CCDC178: variants seen among roughly 807,000 people sequenced by gnomAD.
CCDC178 encodes coiled-coil domain containing 178.
In CCDC178, 126 loss-of-function variants were observed where a neutral mutation model predicts 117.4. The observed-to-expected ratio is 1.07, with a 90% confidence interval of 0.93 to 1.24. CCDC178 has a LOEUF of 1.24. Ranked by LOEUF, CCDC178 falls within the 50% of genes most tolerant of loss-of-function variation. The pLI is 0.00. For synonymous variants in CCDC178, 283 were observed against 313.4 expected (o/e 0.90, Z 1.02); for missense variants, 1,030 against 986.9 (o/e 1.04, Z -0.59).
chr18:33,393,310 T>C (rs1410987909), intron 4 of CCDC178, among the ~76,000 whole-genome samples: 7 of 152,016 alleles, frequency 4.6e-5, no homozygotes, highest in African/African-American at 1.7e-4. Flanking sequence ...TATGTGTGTA[T>C]GGTGTATTTA....
intron 19 of CCDC178, among the ~76,000 whole-genome samples, chr18:33,213,705 A>G (rs934694947): frequency 5.3e-5 from 8 of 152,060 alleles, no homozygotes; most frequent in African/African-American, 1.9e-4. Flanking sequence ...CCTTTCTCAC[A>G]GTGATAAAAC....
chr18:33,024,450 A>T lies in CCDC178; in HGVS notation c.2389-49769T>A, dbSNP rs984766651. Among the ~76,000 whole-genome samples the T allele has an allele frequency of 2.0e-5, 3 of 152,048 alleles. No individual in the cohort carries two copies. The South Asian group carries it at 6.2e-4, about 31-fold the overall frequency. On this transcript the variant is annotated intron_variant, in intron 21 of 22. Transcript: ENST00000383096. ...CCTCCAAATTTCCTCTTATAAGGACACCAGCCATACCGAATTAGGGTCCAC... is the reference window on the plus strand; with the variant it reads ...CCTCCAAATTTCCTCTTATAAGGACTCCAGCCATACCGAATTAGGGTCCAC...
chr18:33,252,220 G>T (rs1341506359), intron 14 of CCDC178, among the ~76,000 whole-genome samples: 1 of 151,734 alleles, frequency 6.6e-6, no homozygotes, highest in East Asian at 1.9e-4. Context: ...CGGAAGAAAA[G>T]ATTGTTGAAA....
At chr18:33,319,973 A>G (rs2062480673) in intron 11 of CCDC178, among the ~76,000 whole-genome samples, 1 of 152,220 alleles carries the variant, frequency 6.6e-6, no homozygotes, top group Admixed American at 6.5e-5. Context: ...GCATATAAAC[A>G]GAACCAATGA....
intron 22 of CCDC178, among the ~76,000 whole-genome samples, chr18:32,968,743 A>C (rs902708307): frequency 6.6e-6 from 1 of 152,072 alleles, no homozygotes; most frequent in African/African-American, 2.4e-5. Context: ...TGAGCATAAT[A>C]TCTCTAAATG....
intron 11 of CCDC178, among the ~76,000 whole-genome samples, chr18:33,317,580 T>C (rs575536876): frequency 3.3e-5 from 5 of 152,232 alleles, no homozygotes; most frequent in East Asian, 1.9e-4. Flanking sequence ...GAATTCTTTC[T>C]TGCACGAGAT....
At chr18:33,418,374 A>G (rs1011056341) in intron 2 of CCDC178, among the ~76,000 whole-genome samples, 9 of 152,160 alleles carry the variant, frequency 5.9e-5, no homozygotes, top group African/African-American at 1.7e-4. Flanking sequence ...ACAAACCCAC[A>G]GCCATCATCA....
intron 20 of CCDC178, among the ~76,000 whole-genome samples, chr18:33,117,118 G>C (rs2057868275): frequency 6.6e-6 from 1 of 152,096 alleles, no homozygotes; most frequent in African/African-American, 2.4e-5. Flanking sequence ...GTCTGGGGAA[G>C]ACAAATATGT....
chr18:33,105,064 C>T (rs2057686618), intron 20 of CCDC178, among the ~76,000 whole-genome samples: 1 of 151,636 alleles, frequency 6.6e-6, no homozygotes. Context: ...AAGCTGAAAT[C>T]TCCTTAGGAG....
intron 14 of CCDC178, among the ~76,000 whole-genome samples, chr18:33,255,978 GAAA>G (rs11287799): frequency 7.2e-6 from 1 of 139,000 alleles, no homozygotes; most frequent in Non-Finnish European, 1.6e-5. Context: ...AAGAAAGAGA[GAAA>G]AAAAAAAAAA....
rs75955534 is a variant in CCDC178 at position 32,938,031 on chromosome 18, T to G, written c.2584A>C (p.Thr862Pro). The part of the protein sequence containing the change: ...LGFFQTLTDG[T>P]CENDG Reference sequence around the variant, plus strand: ...TTTGCTTAACCATCGTTTTCGCATGTGCCATCTGTCAAAGTCTGGAAGAAA... The same window carrying G: ...TTTGCTTAACCATCGTTTTCGCATGGGCCATCTGTCAAAGTCTGGAAGAAA... Residue 862 changes from threonine (T) to proline (P), a missense_variant, in exon 23 of 23, where the codon ACA (threonine) becomes CCA (proline). Physicochemically the swap from Thr to Pro is conservative, Grantham distance 38 (BLOSUM62 -1). Transcript: ENST00000383096. 6.2e-7 allele frequency: 1 copy of G among 1,613,592 alleles called. No individual in the cohort carries two copies. The highest frequency in any genetic ancestry group is 8.5e-7 in the Non-Finnish European group (1 of 1,179,516).
chr18:33,347,176 T>C (rs2062907967), intron 8 of CCDC178, among the ~76,000 whole-genome samples: 1 of 152,158 alleles, frequency 6.6e-6, no homozygotes, highest in Non-Finnish European at 1.5e-5. Context: ...CACTGACTTT[T>C]GCCAAAATGT....
intron 14 of CCDC178, among the ~76,000 whole-genome samples, chr18:33,263,068 T>A (rs1197425395): frequency 3.3e-5 from 5 of 152,150 alleles, no homozygotes; most frequent in Non-Finnish European, 7.4e-5. Context: ...TCAACCTCCC[T>A]AGTAATCAAA....
chr18:32,962,452 A>G (rs983023988), intron 22 of CCDC178, among the ~76,000 whole-genome samples: 2 of 152,086 alleles, frequency 1.3e-5, no homozygotes, highest in Non-Finnish European at 2.9e-5. Context: ...CTGGTCAGCA[A>G]TTCTCTCCAC....
chr18:33,086,445 CAT>C (rs917128865), intron 21 of CCDC178, among the ~76,000 whole-genome samples: 110 of 148,234 alleles, frequency 7.4e-4, no homozygotes, highest in African/African-American at 2.1e-3. Flanking sequence ...CACACACACA[CAT>C]ATATATATAT....
At chr18:33,345,877 G>C (rs2062885458) in intron 9 of CCDC178, among the ~76,000 whole-genome samples, 1 of 152,020 alleles carries the variant, frequency 6.6e-6, no homozygotes, top group South Asian at 2.1e-4. Context: ...TTTGAGACAG[G>C]ATCTCACTCT....
chr18:33,109,758 T>C (rs2057757048), intron 20 of CCDC178, among the ~76,000 whole-genome samples: 1 of 146,706 alleles, frequency 6.8e-6, no homozygotes, highest in African/African-American at 2.7e-5. Context: ...TTTTGCTCAA[T>C]CTTAATTTTG....
chr18:33,096,122 C>A lies in CCDC178; in HGVS notation c.2239-3212G>T, dbSNP rs933004717. Among the ~76,000 whole-genome samples the A allele has an allele frequency of 6.0e-5, 9 of 150,746 alleles. 1 individual carries two copies. The highest frequency in any genetic ancestry group is 2.0e-4 in the African/African-American group (8 of 40,960). On this transcript the variant is annotated intron_variant, in intron 20 of 22. Transcript: ENST00000383096. ...AATAGTAGTTCTACTCCCCACCCCC[C>A]CCACTTGACTTTTCTTGTTCTTTAA...
chr18:33,238,984 TA>T (rs939779369), intron 15 of CCDC178, among the ~76,000 whole-genome samples: 7 of 151,830 alleles, frequency 4.6e-5, no homozygotes, highest in East Asian at 1.9e-4. Context: ...TTAAAAGGCT[TA>T]AAAAAAACCC....
Sources: allele counts gnomAD v4.1 joint callset (sites outside exome capture counted in the v4.1 genomes callset), GRCh38; gene constraint gnomAD v4.1.1; transcripts MANE v1.5; gene names NCBI Gene and HGNC (gene_info 2026-07-23, HGNC 2026-07-21).